CDH13: variants seen among roughly 807,000 people sequenced by gnomAD.
CDH13 encodes the protein cadherin-13.
A neutral mutation model predicts 63.8 loss-of-function variants in CDH13; 24 were observed. The observed-to-expected ratio is 0.38, with a 90% CI of 0.27 to 0.53. The LOEUF is 0.53. Ranked by LOEUF, CDH13 falls within the 20% of genes least tolerant of loss-of-function variation. The probability of loss-of-function intolerance (pLI) is 0.85; values close to 1 mark genes in which losing one functional copy is unlikely to be tolerated. For missense variants in CDH13, 1,049 were observed against 903.1 expected (o/e 1.16, Z -2.07); for synonymous variants, 503 against 355.3 (o/e 1.42, Z -4.67).
Position 83,125,400 on chromosome 16 carries a change from G to C in CDH13, c.382G>C (p.Ala128Pro). 6.3e-7 allele frequency: 1 copy of C among 1,590,584 alleles called. No homozygotes were observed. The highest frequency in any genetic ancestry group is 8.6e-7 in the Non-Finnish European group (1 of 1,158,990). The change falls in exon 4 of 14, where the codon GCA becomes CCA. Residue 128 changes from alanine (A) to proline (P), a missense_variant. Transcript: ENST00000567109. ...QGSLQDIFKF[A>P]RTSPVPRQKR... ...TCCCTTTTAGGATATATTTAAATTT[G>C]CAAGAACTTCTCCTGTCCCAAGACA...
chr16:83,750,331 G>A (rs1912976320), intron 11 of CDH13, among the ~76,000 whole-genome samples: 1 of 152,134 alleles, frequency 6.6e-6, no homozygotes, highest in Non-Finnish European at 1.5e-5. Flanking sequence ...GTTCAGTTTT[G>A]CTTATGTTTG....
chr16:83,073,350 T>TGAGAGA lies in CDH13; in HGVS notation c.366+41133_366+41134insAGAGAG, dbSNP rs1399593423. ...GTGTGTGTGTGTGTGTGTGTGTGTG[T>TGAGAGA]GTGTGAGAGAGAGAGAGAGAGAGAG... On this transcript the variant is annotated intron_variant, in intron 3 of 13. Transcript: ENST00000567109. Among the ~76,000 whole-genome samples the TGAGAGA allele has an allele frequency of 7.8e-3, 986 of 126,586 alleles. 13 individuals carry two copies. The highest frequency in any genetic ancestry group is 0.028 in the African/African-American group (878 of 30,984). 83.0% of individuals were successfully genotyped at this position (126,586 alleles called of 152,430 possible).
chr16:83,759,616 G>A (rs1261216163), intron 11 of CDH13, among the ~76,000 whole-genome samples: 2 of 152,122 alleles, frequency 1.3e-5, no homozygotes, highest in African/African-American at 4.8e-5. Context: ...CAGAGTAGAA[G>A]ATATTTATAA....
chr16:83,443,618 C>G (rs570620522), intron 6 of CDH13, among the ~76,000 whole-genome samples: 2 of 150,476 alleles, frequency 1.3e-5, no homozygotes, highest in Non-Finnish European at 2.9e-5. Flanking sequence ...CACCTGTAAT[C>G]CCAGCACTTA....
At chr16:82,938,528 C>T (rs150964345) in intron 2 of CDH13, among the ~76,000 whole-genome samples, 1 of 152,246 alleles carries the variant, frequency 6.6e-6, no homozygotes, top group African/African-American at 2.4e-5. Flanking sequence ...CATGGCACTG[C>T]CCAGCATCAG....
chr16:83,707,553 TA>T (rs1265811865), intron 10 of CDH13, among the ~76,000 whole-genome samples: 2 of 152,186 alleles, frequency 1.3e-5, no homozygotes, highest in Non-Finnish European at 2.9e-5. Context: ...CCATTCACTT[TA>T]AAACAAATAT....
intron 1 of CDH13, among the ~76,000 whole-genome samples, chr16:82,813,361 G>C (rs2037542960): frequency 6.6e-6 from 1 of 152,102 alleles, no homozygotes; most frequent in African/African-American, 2.4e-5. Flanking sequence ...TGCAGCTGCT[G>C]CACCTTGTTT....
At chr16:83,105,130 A>G (rs1050036753) in intron 3 of CDH13, among the ~76,000 whole-genome samples, 1 of 152,206 alleles carries the variant, frequency 6.6e-6, no homozygotes, top group African/African-American at 2.4e-5. Flanking sequence ...GAAGCCCAGC[A>G]TGCATTAGCT....
At chr16:83,053,848 C>T in intron 3 of CDH13, among the ~76,000 whole-genome samples, 1 of 152,126 alleles carries the variant, frequency 6.6e-6, no homozygotes, top group South Asian at 2.1e-4. Context: ...CATTTCGAGA[C>T]CCCGACCGGG....
chr16:83,255,271 A>G (rs1159333469), intron 5 of CDH13, among the ~76,000 whole-genome samples: 1 of 152,182 alleles, frequency 6.6e-6, no homozygotes, highest in Middle Eastern at 3.2e-3. Context: ...GCAATTAAAA[A>G]GACAAGTGGA....
chr16:83,325,199 A>G (rs577411893), intron 5 of CDH13, among the ~76,000 whole-genome samples: 1 of 152,204 alleles, frequency 6.6e-6, no homozygotes, highest in Non-Finnish European at 1.5e-5. Context: ...AAGAAATCTT[A>G]AGACTATTTT....
intron 7 of CDH13, among the ~76,000 whole-genome samples, chr16:83,591,461 T>G (rs1475656218): frequency 1.3e-5 from 2 of 152,246 alleles, no homozygotes; most frequent in African/African-American, 4.8e-5. Context: ...TCACTCTGTT[T>G]CCTCTCACTG....
rs1466670889 is a variant in CDH13 at position 83,287,766 on chromosome 16, C to G, written c.637-57096C>G. 3.9e-5 allele frequency among the ~76,000 whole-genome samples: 6 copies of G among 152,292 alleles called. No homozygotes were observed. The South Asian group carries it at 1.0e-3, about 26-fold the overall frequency. On this transcript the variant is annotated intron_variant, in intron 5 of 13. Transcript: ENST00000567109. ...AATCATCCCCAAGTCATCCCCTCACCTCCTCCTGGTCCATGAAAAAATTGT... is the reference window on the plus strand; with the variant it reads ...AATCATCCCCAAGTCATCCCCTCACGTCCTCCTGGTCCATGAAAAAATTGT...
rs1240061829 is a variant in CDH13 at position 83,570,966 on chromosome 16, TATATAA to T, written c.961-31486_961-31481del. Among the ~76,000 whole-genome samples, 207 of 132,612 alleles carry T rather than the reference TATATAA, an allele frequency of 1.6e-3. 3 individuals carry two copies. The highest frequency in any genetic ancestry group is 6.5e-3 in the South Asian group (26 of 4,020). The allele number at this position is 132,612 out of a possible 152,430, so 87.0% of individuals were successfully genotyped here. A position where few individuals can be genotyped will look rare whatever the true frequency, so the allele number is the denominator to read the frequency against. ...TCATCCATATATATATATATATATA[TATATAA>T]AAACCTTCTGGCGCCACCCAAGGGC... On this transcript the variant is annotated intron_variant, in intron 7 of 13. Transcript: ENST00000567109.
chr16:83,504,928 C>T (rs1480383070), intron 7 of CDH13, among the ~76,000 whole-genome samples: 1 of 152,160 alleles, frequency 6.6e-6, no homozygotes, highest in Non-Finnish European at 1.5e-5. Context: ...AAGTCTGCCT[C>T]AAATAAAGCA....
At chr16:83,489,566 A>C (rs767494284) in intron 7 of CDH13, among the ~76,000 whole-genome samples, 3 of 152,188 alleles carry the variant, frequency 2.0e-5, no homozygotes, top group Non-Finnish European at 4.4e-5. Flanking sequence ...CGTGATTCCA[A>C]GTTCTTGTCT....
chr16:83,628,461 A>G (rs1218194374), intron 8 of CDH13, among the ~76,000 whole-genome samples: 1 of 152,160 alleles, frequency 6.6e-6, no homozygotes, highest in Non-Finnish European at 1.5e-5. Flanking sequence ...CTCCACTGAT[A>G]AGTCACATTC....
chr16:83,352,831 A>G (rs1376869809), intron 6 of CDH13, among the ~76,000 whole-genome samples: 2 of 152,198 alleles, frequency 1.3e-5, no homozygotes, highest in Non-Finnish European at 2.9e-5. Flanking sequence ...CGGAGTGTAC[A>G]GTGAACCGAG....
At chr16:83,402,695 C>G (rs1479685830) in intron 6 of CDH13, among the ~76,000 whole-genome samples, 1 of 152,168 alleles carries the variant, frequency 6.6e-6, no homozygotes, top group Non-Finnish European at 1.5e-5. Flanking sequence ...TAAAGTCAAG[C>G]ATTAGCATAG....
Sources: gnomAD v4.1 joint callset for allele counts (sites outside exome capture counted in the v4.1 genomes callset) on GRCh38, gnomAD v4.1.1 for gene constraint, MANE v1.5 for transcripts, NCBI Gene and HGNC (gene_info 2026-07-23, HGNC 2026-07-21) for gene names.